Variants in SNX29 observed in about 807,000 individuals in gnomAD.
SNX29 encodes the protein sorting nexin-29.
In SNX29, 78 loss-of-function variants were observed where a neutral mutation model predicts 102.1. The observed-to-expected ratio is 0.76, with a 90% CI of 0.64 to 0.92. The LOEUF is 0.92. Ranked by LOEUF, SNX29 falls within the 40% of genes least tolerant of loss-of-function variation. The pLI, the probability that SNX29 is intolerant of heterozygous loss-of-function variation, is 0.00. For synonymous variants in SNX29, 580 were observed against 414.5 expected (o/e 1.40, Z -4.85); for missense variants, 1,280 against 1,061.7 (o/e 1.21, Z -2.86).
intron 14 of SNX29, among the ~76,000 whole-genome samples, chr16:12,219,258 C>CT (rs111884811): frequency 0.011 from 1,608 of 144,004 alleles, 14 homozygotes; most frequent in African/African-American, 0.022. Context: ...TCTACATCAT[C>CT]TTTTTTTTTT....
intron 13 of SNX29, among the ~76,000 whole-genome samples, chr16:12,181,922 C>T (rs1308874029): frequency 1.3e-5 from 2 of 150,220 alleles, no homozygotes; most frequent in South Asian, 2.1e-4. Flanking sequence ...CTCACTCTGT[C>T]ACGCAGGCTG....
Position 12,274,942 on chromosome 16 carries a change from C to G in SNX29, c.1679-2991C>G, listed in dbSNP as rs145293200. The stretch of plus-strand genomic sequence containing the variant: ...TCATGACTACACTGTCTCCTCCTCT[C>G]TCTCTGGAAATATTACCCACAGTTT... On this transcript the variant is annotated intron_variant, in intron 14 of 20. Transcript: ENST00000566228. 2.4e-3 allele frequency among the ~76,000 whole-genome samples: 368 copies of G among 152,276 alleles called. 2 individuals carry two copies. Among genetic ancestry groups the G allele is most frequent in the African/African-American group, 8.3e-3 (346 of 41,544 alleles).
intron 16 of SNX29, among the ~76,000 whole-genome samples, chr16:12,392,859 T>TG (rs1453996011): frequency 6.6e-6 from 1 of 152,100 alleles, no homozygotes; most frequent in African/African-American, 2.4e-5. Flanking sequence ...GCTCCAGAAC[T>TG]GGGGGGCTTT....
intron 14 of SNX29, among the ~76,000 whole-genome samples, chr16:12,247,407 A>G (rs1174355701): frequency 6.6e-6 from 1 of 152,104 alleles, no homozygotes; most frequent in African/African-American, 2.4e-5. Flanking sequence ...CGCACAGTCT[A>G]TCTCCTCCTG....
At chr16:12,334,439 G>A (rs1199077452) in intron 15 of SNX29, among the ~76,000 whole-genome samples, 1 of 152,094 alleles carries the variant, frequency 6.6e-6, no homozygotes, top group African/African-American at 2.4e-5. Context: ...TTTGTGTTCG[G>A]CACCGTGCAA....
At chr16:12,556,921 C>T (rs542970455) in intron 20 of SNX29, among the ~76,000 whole-genome samples, 49 of 128,718 alleles carry the variant, frequency 3.8e-4, no homozygotes, top group African/African-American at 1.3e-3. Flanking sequence ...GGCATGATCT[C>T]GGCTCACTAC....
chr16:12,201,189 T>C lies in SNX29; in HGVS notation c.1678+1506T>C, dbSNP rs577272292. Among the ~76,000 whole-genome samples the C allele has an allele frequency of 5.9e-5, 9 of 152,366 alleles. 1 individual carries two copies. Among genetic ancestry groups the C allele is most frequent in the Admixed American group, 5.9e-4 (9 of 15,308 alleles). The stretch of plus-strand genomic sequence containing the variant: ...GGAGTTATCAGTGCAGAATTAATCA[T>C]CTTTCTCTGTGGCCTCATGCCCTTT... On this transcript the variant is annotated intron_variant, in intron 14 of 20. Transcript: ENST00000566228.
chr16:12,212,762 C>T (rs1000241397), intron 14 of SNX29, among the ~76,000 whole-genome samples: 1 of 152,092 alleles, frequency 6.6e-6, no homozygotes, highest in Non-Finnish European at 1.5e-5. Flanking sequence ...GTGTACTTTG[C>T]AAATACTTTC....
At position 12,399,867 on chromosome 16, in the gene SNX29, C is replaced by T. The variant is rs149477427; in HGVS notation, c.1955+1366C>T. 5.0e-3 allele frequency among the ~76,000 whole-genome samples: 756 copies of T among 152,026 alleles called. 2 individuals carry two copies. Among genetic ancestry groups the T allele is most frequent in the Non-Finnish European group, 7.7e-3 (520 of 67,972 alleles). On this transcript the variant is annotated intron_variant, in intron 17 of 20. Transcript: ENST00000566228. ...GCATGGCATGAAGAGGCTCCTGGAA[C>T]GGCAGAGTCCGGCGGAGGGCAGCTG...
At chr16:12,412,114 C>T (rs978548189) in intron 18 of SNX29, among the ~76,000 whole-genome samples, 3 of 152,158 alleles carry the variant, frequency 2.0e-5, no homozygotes, top group Non-Finnish European at 4.4e-5. Context: ...TTACATGAGG[C>T]TTTGCGGAGG....
chr16:12,234,994 C>T (rs575227216), intron 14 of SNX29, among the ~76,000 whole-genome samples: 1 of 152,174 alleles, frequency 6.6e-6, no homozygotes, highest in South Asian at 2.1e-4. Context: ...ACTTTTCTCC[C>T]TCATTCCTTC....
chr16:12,159,909 A>G (rs2055710919), intron 13 of SNX29, among the ~76,000 whole-genome samples: 1 of 152,148 alleles, frequency 6.6e-6, no homozygotes, highest in African/African-American at 2.4e-5. Context: ...TAGCCCTAGA[A>G]TCTTAGAATC....
rs148696061 is a variant in SNX29, at chr16:12,029,571, G to C, written c.247+2127G>C. The stretch of plus-strand genomic sequence containing the variant: ...GCCGTTATTGGCGTTTGATGCATTT[G>C]ATGGCATGACCTTGGAATTTGATTT... On this transcript the variant is annotated intron_variant, in intron 4 of 20. Coordinates refer to ENST00000566228, the MANE Select transcript of SNX29 (RefSeq NM_032167.5). 601 of 448,900 alleles carry C rather than the reference G, an allele frequency of 1.3e-3. 5 individuals are homozygous for C. The highest frequency in any genetic ancestry group is 0.011 in the African/African-American group (552 of 48,658). 27.8% of individuals were successfully genotyped at this position (448,900 alleles called of 1,614,324 possible). A position where few individuals can be genotyped will look rare whatever the true frequency, so the allele number is the denominator to read the frequency against.
chr16:12,569,578 A>G lies in SNX29; in HGVS notation c.*949A>G, dbSNP rs138634550. On this transcript the variant is annotated 3_prime_UTR_variant, in exon 21 of 21. Transcript: ENST00000566228. The stretch of plus-strand genomic sequence containing the variant: ...GATCATGTGTCTCTCCACTAAAAAC[A>G]TTTTCCATCCCGTCTGCCCCCGACA... The G allele has an allele frequency of 1.3e-5, 3 of 230,572 alleles. No homozygotes were observed. Among genetic ancestry groups the G allele is most frequent in the African/African-American group, 4.4e-5 (2 of 45,286 alleles). The allele number at this position is 230,572 out of a possible 1,614,324, so 14.3% of individuals were successfully genotyped here.
chr16:12,173,661 T>G lies in SNX29; in HGVS notation c.1596-25940T>G, dbSNP rs7203048. On this transcript the variant is annotated intron_variant, in intron 13 of 20. Coordinates refer to ENST00000566228, the MANE Select transcript of SNX29 (RefSeq NM_032167.5). ...CACCTTCTGCTTCTGGAGCCAATGC[T>G]AATGTTTGGGAGAAGGGAAGGCTTC... is the stretch of plus-strand genomic sequence containing the variant. Among the ~76,000 whole-genome samples the G allele has an allele frequency of 1.7e-3, 258 of 152,342 alleles. 1 individual carries two copies. Among genetic ancestry groups the G allele is most frequent in the African/African-American group, 6.0e-3 (248 of 41,574 alleles).
chr16:12,266,278 G>A (rs758102247), intron 14 of SNX29, among the ~76,000 whole-genome samples: 14 of 151,936 alleles, frequency 9.2e-5, no homozygotes, highest in Non-Finnish European at 1.3e-4. Flanking sequence ...CATTTTTGCC[G>A]CCACACGTAT....
chr16:12,125,333 GTCTT>G (rs1329657196), intron 11 of SNX29, among the ~76,000 whole-genome samples: 1 of 151,976 alleles, frequency 6.6e-6, no homozygotes, highest in African/African-American at 2.4e-5. Context: ...CTGACAGCTC[GTCTT>G]TCTATGATGG....
At chr16:12,494,963 C>T (rs570323389) in intron 19 of SNX29, among the ~76,000 whole-genome samples, 2 of 152,144 alleles carry the variant, frequency 1.3e-5, no homozygotes, top group East Asian at 1.9e-4. Flanking sequence ...GGACTGCCTG[C>T]GCATTCTCAT....
intron 18 of SNX29, among the ~76,000 whole-genome samples, chr16:12,469,369 A>G (rs561782404): frequency 6.6e-6 from 1 of 152,376 alleles, no homozygotes; most frequent in African/African-American, 2.4e-5. Context: ...TTTCATTAAA[A>G]GGAAAGTTTT....
Sources: allele counts gnomAD v4.1 joint callset (sites outside exome capture counted in the v4.1 genomes callset), GRCh38; gene constraint gnomAD v4.1.1; transcripts MANE v1.5; gene names NCBI Gene and HGNC (gene_info 2026-07-23, HGNC 2026-07-21).